The following PTPRT variants were observed in gnomAD, a reference collection of about 807,000 sequenced individuals.
The protein encoded by PTPRT is protein tyrosine phosphatase receptor type T, also known as receptor-type tyrosine-protein phosphatase T.
PTPRT carries 56 observed loss-of-function variants against 176.8 expected under a neutral mutation model. That is an observed-to-expected ratio of 0.32 (90% CI 0.26 to 0.40). PTPRT has a LOEUF of 0.40. Among genes scored for constraint, PTPRT ranks in the 10% least tolerant of loss-of-function variants. PTPRT has a pLI of 1.00. For synonymous variants in PTPRT, 783 were observed against 739.0 expected, an observed-to-expected ratio of 1.06 and a Z score of -0.96; for missense variants, 1,540 against 1,908.2, an observed-to-expected ratio of 0.81 and a Z score of 3.60.
chr20:42,137,005 T>C (rs1267816721), intron 18 of PTPRT, among the ~76,000 whole-genome samples: 1 of 152,224 alleles, frequency 6.6e-6, no homozygotes, highest in Non-Finnish European at 1.5e-5. Flanking sequence ...GGACATTTAA[T>C]ATTCTGGCTC....
At position 42,128,712 on chromosome 20, in the gene PTPRT, G is replaced by A. The variant is rs1314966982; in HGVS notation, c.2847+42C>T. On this transcript the variant is annotated intron_variant, in intron 19 of 30. Transcript: ENST00000373187. ...GGGGTAAACCACAGATCTTGAGCCT[G>A]CAAAAGCCAGCCCCAGCCCCCAGCC... is the stretch of plus-strand genomic sequence containing the variant. 5.3e-6 allele frequency: 8 copies of A among 1,511,042 alleles called. No homozygotes were observed. The Admixed American group carries it at 5.7e-5, about 11-fold the overall frequency. The allele number at this position is 1,511,042 out of a possible 1,614,324, so 93.6% of individuals were successfully genotyped here. A position where few individuals can be genotyped will look rare whatever the true frequency, so the allele number is the denominator to read the frequency against.
At chr20:42,953,559 T>C (rs566248742) in intron 1 of PTPRT, among the ~76,000 whole-genome samples, 6 of 152,272 alleles carry the variant, frequency 3.9e-5, no homozygotes, top group African/African-American at 1.2e-4. Context: ...GGAAGTATCT[T>C]CTCACTTCCA....
At chr20:42,784,551 A>C (rs147719786) in intron 3 of PTPRT, among the ~76,000 whole-genome samples, 1 of 152,216 alleles carries the variant, frequency 6.6e-6, no homozygotes, top group East Asian at 1.9e-4. Flanking sequence ...AGCAGATGGA[A>C]TAGAATTCCA....
intron 7 of PTPRT, among the ~76,000 whole-genome samples, chr20:42,558,561 C>T (rs191489283): frequency 1.6e-4 from 24 of 152,110 alleles, no homozygotes; most frequent in Admixed American, 1.3e-3. Flanking sequence ...ATCTCATATA[C>T]TGTTGGTGGG....
chr20:42,132,473 A>C (rs994458046), intron 18 of PTPRT, among the ~76,000 whole-genome samples: 3 of 152,246 alleles, frequency 2.0e-5, no homozygotes, highest in Admixed American at 1.3e-4. Context: ...CTTAAAACTC[A>C]GTAAGAAAGC....
At chr20:42,438,340 T>C (rs897306778) in intron 9 of PTPRT, among the ~76,000 whole-genome samples, 1 of 152,190 alleles carries the variant, frequency 6.6e-6, no homozygotes, top group Non-Finnish European at 1.5e-5. Flanking sequence ...CAGACGTTCA[T>C]GTTAAACAGC....
intron 13 of PTPRT, among the ~76,000 whole-genome samples, chr20:42,258,533 A>G (rs2056689845): frequency 6.6e-6 from 1 of 152,154 alleles, no homozygotes; most frequent in Non-Finnish European, 1.5e-5. Context: ...TAGGGAGACA[A>G]GTCTTGTTCA....
intron 16 of PTPRT, among the ~76,000 whole-genome samples, chr20:42,188,328 G>A (rs1990861657): frequency 6.6e-6 from 1 of 152,076 alleles, no homozygotes; most frequent in African/African-American, 2.4e-5. Flanking sequence ...CAAAACACAA[G>A]GAGAGCAAAA....
intron 3 of PTPRT, 91 bp from the exon 4 acceptor site, chr20:42,780,390 A>C: frequency 1.0e-6 from 1 of 970,264 alleles, no homozygotes; most frequent in Admixed American, 1.9e-5. Context: ...TTTATGTTTC[A>C]ACTTCCCATC....
At chr20:42,253,625 A>G (rs535098362) in intron 13 of PTPRT, among the ~76,000 whole-genome samples, 13 of 152,290 alleles carry the variant, frequency 8.5e-5, no homozygotes, top group Middle Eastern at 3.4e-3. Context: ...GCAAATCAGA[A>G]TTGGCATCTA....
intron 7 of PTPRT, among the ~76,000 whole-genome samples, chr20:42,585,963 C>A (rs1442346234): frequency 6.6e-6 from 1 of 152,064 alleles, no homozygotes. Context: ...TGTACATGAA[C>A]ACAATCACAC....
At chr20:42,189,531 G>A (rs1017903621) in intron 16 of PTPRT, among the ~76,000 whole-genome samples, 1 of 152,184 alleles carries the variant, frequency 6.6e-6, no homozygotes, top group African/African-American at 2.4e-5. Flanking sequence ...GAACACCTCA[G>A]CTACTCCCAT....
At chr20:42,597,983 G>T (rs1484921792) in intron 7 of PTPRT, among the ~76,000 whole-genome samples, 2 of 152,160 alleles carry the variant, frequency 1.3e-5, no homozygotes, top group East Asian at 3.8e-4. Flanking sequence ...AAAGAATTAA[G>T]TGGACTAGAA....
At chr20:42,950,035 G>T (rs977518335) in intron 1 of PTPRT, among the ~76,000 whole-genome samples, 1 of 152,158 alleles carries the variant, frequency 6.6e-6, no homozygotes, top group East Asian at 1.9e-4. Flanking sequence ...AGAACTAACC[G>T]TGTCTTTGGG....
At chr20:42,609,164 C>T (rs1436890309) in intron 7 of PTPRT, among the ~76,000 whole-genome samples, 2 of 152,160 alleles carry the variant, frequency 1.3e-5, no homozygotes, top group Admixed American at 6.5e-5. Flanking sequence ...ACCTCCACCT[C>T]CTGGGTTCAA....
chr20:42,452,008 C>T lies in PTPRT; in HGVS notation c.1451-3679G>A, dbSNP rs141284495. On this transcript the variant is annotated intron_variant, in intron 8 of 30. Transcript: ENST00000373187. The stretch of plus-strand genomic sequence containing the variant: ...AATAGAGGCTGGGCTTGGTGGCCCA[C>T]GCCTATAATCCCAGCACTTTGAGAG... Among the ~76,000 whole-genome samples the T allele has an allele frequency of 2.4e-3, 359 of 152,252 alleles. 1 individual carries two copies. Among genetic ancestry groups the T allele is most frequent in the African/African-American group, 7.7e-3 (319 of 41,564 alleles).
In PTPRT at chr20:42,912,883, T is replaced by G. The variant is rs905757603; in HGVS notation, c.89-26951A>C. On this transcript the variant is annotated intron_variant, in intron 1 of 30. Transcript: ENST00000373187. ...CCACTGATCTATGTGCCTAAATATA[T>G]CAGTATCAACATGTTGTAATTATTA... Among the ~76,000 whole-genome samples, 6 of 152,190 alleles carry G rather than the reference T, an allele frequency of 3.9e-5. No homozygotes were observed. In the South Asian group the frequency reaches 1.0e-3, roughly 26 times the overall value.
chr20:43,004,873 T>C (rs1162259316), intron 1 of PTPRT, among the ~76,000 whole-genome samples: 1 of 152,212 alleles, frequency 6.6e-6, no homozygotes. Context: ...TTAGAGGCAA[T>C]AGAAACCCTA....
intron 6 of PTPRT, among the ~76,000 whole-genome samples, chr20:42,692,136 A>G (rs919565332): frequency 2.0e-5 from 3 of 152,214 alleles, no homozygotes; most frequent in Non-Finnish European, 2.9e-5. Flanking sequence ...TTTCAATGAA[A>G]TATCACCTTT....
Sources: allele counts gnomAD v4.1 joint callset (sites outside exome capture counted in the v4.1 genomes callset), GRCh38; gene constraint gnomAD v4.1.1; transcripts MANE v1.5; gene names NCBI Gene and HGNC (gene_info 2026-07-23, HGNC 2026-07-21).